The following DNAH5 variants were observed in gnomAD, a reference collection of about 807,000 sequenced individuals.
DNAH5 encodes axonemal beta dynein heavy chain 5.
In DNAH5, 372 loss-of-function variants were observed where a neutral mutation model predicts 518.2. That is an observed-to-expected ratio of 0.72 (90% CI 0.66 to 0.78). DNAH5 has a LOEUF of 0.78. DNAH5 is among the 30% of genes least tolerant of loss of function. The pLI is 0.00. For synonymous variants in DNAH5, 2,039 were observed against 2,025.9 expected, an observed-to-expected ratio of 1.01 and a Z score of -0.17; for missense variants, 5,523 against 5,687.0, an observed-to-expected ratio of 0.97 and a Z score of 0.93.
intron 54 of DNAH5, 58 bp downstream of exon 54, chr5:13,777,144 C>A: frequency 1.3e-6 from 2 of 1,529,052 alleles, no homozygotes; most frequent in Non-Finnish European, 1.8e-6. Context: ...ACATGTAGAG[C>A]TCTAAGCTGG....
At chr5:13,897,326 T>C (rs1282428147) in intron 15 of DNAH5, among the ~76,000 whole-genome samples, 1 of 152,242 alleles carries the variant, frequency 6.6e-6, no homozygotes, top group Non-Finnish European at 1.5e-5. Context: ...TTATTCTATC[T>C]GGAAGCAGTT....
chr5:13,955,236 G>A (rs1230059970), intron 1 of DNAH5, among the ~76,000 whole-genome samples: 3 of 152,186 alleles, frequency 2.0e-5, no homozygotes, highest in Admixed American at 2.0e-4. Context: ...TGCCACCACG[G>A]TGAGATGTGC....
intron 51 of DNAH5, among the ~76,000 whole-genome samples, chr5:13,786,808 A>T (rs1290974247): frequency 1.3e-5 from 2 of 152,242 alleles, no homozygotes; most frequent in Admixed American, 6.5e-5. Flanking sequence ...ATAGAAGTGA[A>T]TTAGAATATG....
intron 47 of DNAH5, among the ~76,000 whole-genome samples, chr5:13,798,571 G>A (rs1389218029): frequency 6.6e-6 from 1 of 151,950 alleles, no homozygotes; most frequent in African/African-American, 2.4e-5. Context: ...TCCAAAAGAT[G>A]TTTTATTTCA....
intron 1 of DNAH5, among the ~76,000 whole-genome samples, chr5:13,936,069 C>T (rs1389645412): frequency 3.3e-5 from 5 of 152,148 alleles, no homozygotes; most frequent in African/African-American, 1.2e-4. Flanking sequence ...TAATGTACTA[C>T]CTCACAAGAA....
chr5:13,857,934 T>A (rs1256376122), intron 30 of DNAH5, among the ~76,000 whole-genome samples: 2 of 152,008 alleles, frequency 1.3e-5, no homozygotes, highest in Non-Finnish European at 2.9e-5. Flanking sequence ...GCAATAACAT[T>A]CAGGACATAG....
At chr5:13,870,666 G>A in intron 24 of DNAH5, 101 bp downstream of exon 24, 1 of 1,072,376 alleles carries the variant, frequency 9.3e-7, no homozygotes, top group Non-Finnish European at 1.4e-6. Flanking sequence ...TCTTGGTTTA[G>A]TAACCATTTA....
At chr5:13,891,623 C>T (rs181564276) in intron 16 of DNAH5, among the ~76,000 whole-genome samples, 73 of 152,266 alleles carry the variant, frequency 4.8e-4, no homozygotes, top group African/African-American at 1.5e-3. Flanking sequence ...AGCATCCTTC[C>T]GTCTCTGCGG....
chr5:13,713,986 A>G (rs1346368405), intron 75 of DNAH5, among the ~76,000 whole-genome samples: 1 of 152,230 alleles, frequency 6.6e-6, no homozygotes, highest in Non-Finnish European at 1.5e-5. Context: ...AATGATATAA[A>G]TGTAGACTCT....
chr5:13,846,892 A>G (rs1465327968), intron 31 of DNAH5, among the ~76,000 whole-genome samples: 6 of 152,110 alleles, frequency 3.9e-5, no homozygotes, highest in Non-Finnish European at 1.5e-5. Context: ...TAGCTAAAAA[A>G]CTAAACTTTT....
At chr5:13,912,128 C>G (rs7712489) in intron 11 of DNAH5, among the ~76,000 whole-genome samples, 69,958 of 151,916 alleles carry the variant, frequency 0.46, 17,226 homozygotes, top group East Asian at 0.85. Context: ...TGTTTGCTTT[C>G]AATAATGAGC....
chr5:13,933,270 G>A (rs1295903073), intron 1 of DNAH5, among the ~76,000 whole-genome samples: 2 of 152,314 alleles, frequency 1.3e-5, no homozygotes, highest in South Asian at 2.1e-4. Context: ...TTGGAGTTGT[G>A]CAGTACAGAA....
At chr5:13,954,084 T>C (rs1316554696) in intron 1 of DNAH5, among the ~76,000 whole-genome samples, 1 of 152,212 alleles carries the variant, frequency 6.6e-6, no homozygotes, top group Middle Eastern at 3.2e-3. Context: ...TTTTTCTACA[T>C]GGTAAGAAAA....
chr5:13,741,699 T>C (rs1748568679), intron 65 of DNAH5, among the ~76,000 whole-genome samples: 2 of 152,176 alleles, frequency 1.3e-5, no homozygotes, highest in African/African-American at 4.8e-5. Context: ...ATCACTATCA[T>C]TTCTGAGTTC....
intron 65 of DNAH5, among the ~76,000 whole-genome samples, chr5:13,740,867 C>T (rs6554809): frequency 0.24 from 36,073 of 152,100 alleles, 5,497 homozygotes; most frequent in African/African-American, 0.44. Context: ...GTGTCTGTAC[C>T]TTTTATGGCA....
chr5:13,759,945 A>T (rs911926321), intron 60 of DNAH5, among the ~76,000 whole-genome samples: 6 of 152,192 alleles, frequency 3.9e-5, no homozygotes, highest in Admixed American at 6.5e-5. Flanking sequence ...TGGCAGAATA[A>T]ATCTTTAGGG....
At chr5:13,848,818 A>G (rs1157768730) in intron 31 of DNAH5, among the ~76,000 whole-genome samples, 1 of 152,184 alleles carries the variant, frequency 6.6e-6, no homozygotes, top group Non-Finnish European at 1.5e-5. Context: ...GAGCGGCTGT[A>G]AATACAAATG....
At position 13,820,339 on chromosome 5, in the gene DNAH5, C is replaced by A. The variant is rs760366983; in HGVS notation, c.6841+7G>T. Reference sequence around the variant, plus strand: ...CACCCCAGGCATTGACCTTGGCTGCCCTGTACCTGTCATGGCTCTCATCAA... The same window carrying A: ...CACCCCAGGCATTGACCTTGGCTGCACTGTACCTGTCATGGCTCTCATCAA... On this transcript the variant is annotated splice_region_variant and intron_variant, in intron 41 of 78. Coordinates refer to ENST00000265104, the MANE Select transcript of DNAH5 (RefSeq NM_001369.3). 1.9e-6 allele frequency: 3 copies of A among 1,608,116 alleles called. No individual in the cohort carries two copies. The highest frequency in any genetic ancestry group is 2.5e-6 in the Non-Finnish European group (3 of 1,179,980).
chr5:13,981,719 C>T (rs1375601999), intron 1 of DNAH5, among the ~76,000 whole-genome samples: 3 of 152,212 alleles, frequency 2.0e-5, no homozygotes, highest in Non-Finnish European at 2.9e-5. Flanking sequence ...TCAGTAATAA[C>T]AGATCAATAT....
Sources: gnomAD v4.1 joint callset for allele counts (sites outside exome capture counted in the v4.1 genomes callset) on GRCh38, gnomAD v4.1.1 for gene constraint, MANE v1.5 for transcripts, NCBI Gene and HGNC (gene_info 2026-07-23, HGNC 2026-07-21) for gene names.